CDH12: variants seen among roughly 807,000 people sequenced by gnomAD.
CDH12 encodes cadherin 12.
In CDH12, 41 loss-of-function variants were observed where a neutral mutation model predicts 74.1. The observed-to-expected ratio is 0.55, with a 90% CI of 0.43 to 0.72. The LOEUF (loss-of-function observed/expected upper bound fraction) is 0.72. CDH12 is among the 30% of genes least tolerant of loss of function. The probability of loss-of-function intolerance (pLI) is 0.00; values close to 1 mark genes in which losing one functional copy is unlikely to be tolerated. For missense variants in CDH12, 945 were observed against 977.2 expected (o/e 0.97, Z 0.44); for synonymous variants, 399 against 355.0 (o/e 1.12, Z -1.39).
At chr5:22,677,085 T>C (rs1741233819) in intron 1 of CDH12, among the ~76,000 whole-genome samples, 1 of 152,176 alleles carries the variant, frequency 6.6e-6, no homozygotes, top group South Asian at 2.1e-4. Context: ...AGCTGAGTGC[T>C]GCTGGCTGAT....
intron 5 of CDH12, among the ~76,000 whole-genome samples, chr5:21,986,757 A>G (rs1757532666): frequency 6.6e-6 from 1 of 152,172 alleles, no homozygotes; most frequent in Admixed American, 6.5e-5. Flanking sequence ...ATAATCAGCT[A>G]TTAATAACAA....
chr5:22,442,350 G>A (rs888604361), intron 2 of CDH12, among the ~76,000 whole-genome samples: 1 of 152,054 alleles, frequency 6.6e-6, no homozygotes, highest in African/African-American at 2.4e-5. Flanking sequence ...GTATTTAAAT[G>A]TCATTAAAAC....
At chr5:22,804,238 A>G (rs766137003) in intron 1 of CDH12, among the ~76,000 whole-genome samples, 5 of 152,172 alleles carry the variant, frequency 3.3e-5, no homozygotes, top group Non-Finnish European at 5.9e-5. Context: ...GATTTTCTCT[A>G]CCTTTGAATT....
chr5:22,601,925 C>T (rs1736871317), intron 1 of CDH12, among the ~76,000 whole-genome samples: 1 of 151,888 alleles, frequency 6.6e-6, no homozygotes, highest in Non-Finnish European at 1.5e-5. Flanking sequence ...ATTTAGATGG[C>T]AATCATACAA....
chr5:22,505,044 AT>A (rs1736327738), intron 2 of CDH12, among the ~76,000 whole-genome samples: 1 of 151,974 alleles, frequency 6.6e-6, no homozygotes. Flanking sequence ...ATAAATAATT[AT>A]AAAAATAAAG....
intron 1 of CDH12, among the ~76,000 whole-genome samples, chr5:22,701,280 T>C (rs1742701064): frequency 6.6e-6 from 1 of 152,180 alleles, no homozygotes; most frequent in South Asian, 2.1e-4. Flanking sequence ...GCACCCTCAT[T>C]GATTTATAAT....
At chr5:22,768,905 TATC>T (rs1746661325) in intron 1 of CDH12, among the ~76,000 whole-genome samples, 2 of 152,168 alleles carry the variant, frequency 1.3e-5, no homozygotes, top group African/African-American at 2.4e-5. Context: ...CCTCTTCTAA[TATC>T]ATTATTTTAT....
At chr5:22,840,673 G>A (rs1352227130) in intron 1 of CDH12, among the ~76,000 whole-genome samples, 1 of 152,046 alleles carries the variant, frequency 6.6e-6, no homozygotes, top group Non-Finnish European at 1.5e-5. Context: ...TGTTCTCCAA[G>A]TGTTTACATT....
At chr5:22,315,687 G>C (rs775002116) in intron 3 of CDH12, among the ~76,000 whole-genome samples, 2 of 152,106 alleles carry the variant, frequency 1.3e-5, no homozygotes, top group Non-Finnish European at 2.9e-5. Context: ...GTATTTTTTA[G>C]AGTTTTAGGG....
chr5:22,246,145 G>A (rs1340937229), intron 3 of CDH12, among the ~76,000 whole-genome samples: 1 of 152,068 alleles, frequency 6.6e-6, no homozygotes, highest in East Asian at 1.9e-4. Flanking sequence ...TTTTGAATAA[G>A]CATTACATTT....
chr5:22,480,582 C>CA (rs10712028), intron 2 of CDH12, among the ~76,000 whole-genome samples: 2,251 of 137,414 alleles, frequency 0.016, 33 homozygotes, highest in Non-Finnish European at 0.023. Context: ...AGCCCTATCT[C>CA]AAAAAAAAAA....
chr5:22,763,001 C>A (rs981646368), intron 1 of CDH12, among the ~76,000 whole-genome samples: 2 of 151,796 alleles, frequency 1.3e-5, no homozygotes, highest in African/African-American at 2.4e-5. Flanking sequence ...AAAAATACAT[C>A]TATTCTTACA....
chr5:22,322,286 A>T (rs1738916869), intron 3 of CDH12, among the ~76,000 whole-genome samples: 1 of 152,170 alleles, frequency 6.6e-6, no homozygotes, highest in South Asian at 2.1e-4. Context: ...AAGCATTAAA[A>T]AGTAAATGTA....
chr5:21,803,912 CT>C (rs1212494749), intron 9 of CDH12, among the ~76,000 whole-genome samples: 1 of 152,090 alleles, frequency 6.6e-6, no homozygotes, highest in African/African-American at 2.4e-5. Flanking sequence ...CAAAAAAACA[CT>C]TTTAAATCTT....
intron 5 of CDH12, among the ~76,000 whole-genome samples, chr5:22,073,851 T>A (rs970892657): frequency 2.0e-5 from 3 of 152,092 alleles, no homozygotes; most frequent in Non-Finnish European, 4.4e-5. Flanking sequence ...TCTTTTAGAT[T>A]TGAATGTAAG....
intron 1 of CDH12, among the ~76,000 whole-genome samples, chr5:22,512,127 T>C (rs1466568674): frequency 6.6e-6 from 1 of 152,176 alleles, no homozygotes; most frequent in Admixed American, 6.5e-5. Flanking sequence ...AGATGAGTTA[T>C]AGATACATAA....
chr5:21,787,521 T>C (rs966424264), intron 10 of CDH12, among the ~76,000 whole-genome samples: 70 of 152,220 alleles, frequency 4.6e-4, no homozygotes, highest in African/African-American at 1.7e-3. Flanking sequence ...ATGATGTTTA[T>C]ATGTACTGGC....
intron 7 of CDH12, among the ~76,000 whole-genome samples, chr5:21,848,527 T>G (rs908896141): frequency 7.2e-5 from 11 of 152,140 alleles, no homozygotes; most frequent in African/African-American, 2.6e-4. Context: ...TAGTGTTAAA[T>G]TAGCCTAAAA....
In CDH12 at chr5:21,758,768, C is replaced by G. The variant is rs139377988; in HGVS notation, c.1633+1790G>C. On this transcript the variant is annotated intron_variant, in intron 13 of 14. Coordinates refer to ENST00000382254, the MANE Select transcript of CDH12 (RefSeq NM_004061.5). ...TGGTAGTAGAAGAATAAGTGTACAC[C>G]ATGCAATAGTTCACAGCCATAAAAA... Among the ~76,000 whole-genome samples, 214 of 152,160 alleles carry G rather than the reference C, an allele frequency of 1.4e-3. 1 individual carries two copies. Among genetic ancestry groups the G allele is most frequent in the African/African-American group, 4.7e-3 (196 of 41,518 alleles).
Sources: allele counts gnomAD v4.1 joint callset (sites outside exome capture counted in the v4.1 genomes callset), GRCh38; gene constraint gnomAD v4.1.1; transcripts MANE v1.5; gene names NCBI Gene and HGNC (gene_info 2026-07-23, HGNC 2026-07-21).